The following FAR2 variants were observed in gnomAD, a reference collection of about 807,000 sequenced individuals.
FAR2 encodes the protein fatty acyl-CoA reductase 2.
FAR2 carries 19 observed loss-of-function variants against 56.0 expected under a neutral mutation model. The ratio of observed to expected loss-of-function variants is 0.34; its 90% CI spans 0.24 to 0.50. The LOEUF is 0.50. FAR2 is among the 20% of genes least tolerant of loss of function. The pLI is 0.98. For missense variants in FAR2, 508 were observed against 642.2 expected (o/e 0.79, Z 2.26); for synonymous variants, 219 against 218.8 (o/e 1.00, Z -0.01).
chr12:29,224,532 T>C (rs986247489), intron 1 of FAR2, among the ~76,000 whole-genome samples: 6 of 152,232 alleles, frequency 3.9e-5, no homozygotes, highest in Non-Finnish European at 8.8e-5. Context: ...ACAGCAGAGA[T>C]TATACATTCC....
At chr12:29,208,348 G>C (rs1947500655) in intron 1 of FAR2, among the ~76,000 whole-genome samples, 1 of 152,196 alleles carries the variant, frequency 6.6e-6, no homozygotes, top group South Asian at 2.1e-4. Flanking sequence ...GGCTAGACAG[G>C]GCAGTCTGCA....
chr12:29,189,978 G>A (rs1336479520), intron 1 of FAR2, among the ~76,000 whole-genome samples: 1 of 152,140 alleles, frequency 6.6e-6, no homozygotes, highest in Non-Finnish European at 1.5e-5. Flanking sequence ...TGAAGTAGGG[G>A]TAGGAGAATG....
At chr12:29,277,133 G>A (rs1164198295) in intron 2 of FAR2, among the ~76,000 whole-genome samples, 6 of 151,828 alleles carry the variant, frequency 4.0e-5, no homozygotes, top group South Asian at 2.1e-4. Context: ...ATCTGCCACC[G>A]CGCCTGGCTA....
chr12:29,315,285 G>C (rs1397491731), intron 8 of FAR2, among the ~76,000 whole-genome samples: 1 of 152,110 alleles, frequency 6.6e-6, no homozygotes, highest in East Asian at 1.9e-4. Context: ...TCATATTCAA[G>C]GACAGCAAGG....
Position 29,154,002 on chromosome 12 carries a change from G to C in FAR2, c.-39+4595G>C, listed in dbSNP as rs1949702486. Among the ~76,000 whole-genome samples the C allele has an allele frequency of 2.0e-5, 3 of 152,150 alleles. No homozygotes were observed. The South Asian group carries it at 6.2e-4, about 32-fold the overall frequency. ...GCTGCTGGGATGGGGTGAGAGAAAG[G>C]AGGGAGGAGATTTTTGCTTTTCATA... is the stretch of plus-strand genomic sequence containing the variant. On this transcript the variant is annotated intron_variant, in intron 1 of 11. Coordinates refer to ENST00000536681, the MANE Select transcript of FAR2 (RefSeq NM_001271783.2).
chr12:29,201,041 GC>G (rs1947404941), intron 1 of FAR2, among the ~76,000 whole-genome samples: 1 of 152,084 alleles, frequency 6.6e-6, no homozygotes, highest in African/African-American at 2.4e-5. Context: ...TGCAGCTGGT[GC>G]CCCCTTGAGA....
At chr12:29,243,688 T>G (rs1195579425) in intron 1 of FAR2, among the ~76,000 whole-genome samples, 1 of 152,188 alleles carries the variant, frequency 6.6e-6, no homozygotes, top group East Asian at 1.9e-4. Flanking sequence ...GTAGCAGTTA[T>G]AGGCCTAATA....
At chr12:29,267,527 A>G (rs1249690925) in intron 1 of FAR2, among the ~76,000 whole-genome samples, 3 of 152,162 alleles carry the variant, frequency 2.0e-5, no homozygotes, top group African/African-American at 7.2e-5. Flanking sequence ...CTTGAATGCT[A>G]ATCTTGGGTG....
At chr12:29,330,881 C>T (rs1949721687) in intron 10 of FAR2, among the ~76,000 whole-genome samples, 1 of 151,996 alleles carries the variant, frequency 6.6e-6, no homozygotes, top group African/African-American at 2.4e-5. Context: ...TAAGAGTTTA[C>T]TTTGGTCATA....
At chr12:29,312,844 C>T (rs192204515) in intron 8 of FAR2, among the ~76,000 whole-genome samples, 2 of 152,246 alleles carry the variant, frequency 1.3e-5, no homozygotes, top group East Asian at 3.9e-4. Context: ...TGGTGCCACA[C>T]TGAGAGTTCT....
At chr12:29,149,697 G>T (rs1949665838) in intron 1 of FAR2, among the ~76,000 whole-genome samples, 2 of 152,240 alleles carry the variant, frequency 1.3e-5, no homozygotes, top group South Asian at 4.1e-4. Flanking sequence ...GTTGCAAAGG[G>T]CAGAAAGCCG....
intron 10 of FAR2, among the ~76,000 whole-genome samples, chr12:29,327,932 C>A (rs1949674170): frequency 6.6e-6 from 1 of 152,136 alleles, no homozygotes; most frequent in South Asian, 2.1e-4. Flanking sequence ...AGAGCTTCTG[C>A]ACAGCAAAAG....
intron 4 of FAR2, among the ~76,000 whole-genome samples, chr12:29,300,227 A>G (rs1469204122): frequency 6.6e-6 from 1 of 152,192 alleles, no homozygotes; most frequent in African/African-American, 2.4e-5. Context: ...TAAAATATCT[A>G]TCCATATCCC....
intron 2 of FAR2, among the ~76,000 whole-genome samples, chr12:29,278,705 G>A (rs1948739125): frequency 6.6e-6 from 1 of 152,100 alleles, no homozygotes; most frequent in Admixed American, 6.6e-5. Flanking sequence ...GAATTTAGGA[G>A]GCTGTATAAA....
intron 4 of FAR2, among the ~76,000 whole-genome samples, chr12:29,307,230 T>G (rs1480688643): frequency 1.3e-5 from 2 of 152,118 alleles, no homozygotes; most frequent in Non-Finnish European, 2.9e-5. Context: ...AATAATAATC[T>G]CTAATATAGT....
intron 2 of FAR2, among the ~76,000 whole-genome samples, chr12:29,286,344 G>C (rs1307517959): frequency 5.3e-5 from 8 of 152,114 alleles, no homozygotes; most frequent in Non-Finnish European, 1.2e-4. Flanking sequence ...TTGGAATGCA[G>C]GTCTCTAATC....
At chr12:29,323,020 C>T (rs926467206) in intron 10 of FAR2, among the ~76,000 whole-genome samples, 5 of 152,228 alleles carry the variant, frequency 3.3e-5, no homozygotes, top group Admixed American at 6.5e-5. Flanking sequence ...CCGTCTTCTG[C>T]GTCGCTCACG....
At chr12:29,235,139 T>C (rs1253742409) in intron 1 of FAR2, among the ~76,000 whole-genome samples, 1 of 152,198 alleles carries the variant, frequency 6.6e-6, no homozygotes, top group Non-Finnish European at 1.5e-5. Context: ...TTATTCACTA[T>C]CACCCCTTGC....
intron 2 of FAR2, among the ~76,000 whole-genome samples, chr12:29,276,845 TTA>T (rs140259257): frequency 9.6e-4 from 144 of 149,346 alleles, no homozygotes; most frequent in African/African-American, 3.2e-3. Context: ...CCTCTAGATT[TTA>T]TATATATATA....
Sources: allele counts gnomAD v4.1 joint callset (sites outside exome capture counted in the v4.1 genomes callset), GRCh38; gene constraint gnomAD v4.1.1; transcripts MANE v1.5; gene names NCBI Gene and HGNC (gene_info 2026-07-23, HGNC 2026-07-21).